Variants in ARSB observed in about 807,000 individuals in gnomAD.
The protein encoded by ARSB is N-acetylgalactosamine-4-sulfatase.
Under a neutral mutation model 50.9 loss-of-function variants are expected in ARSB, and 41 were observed. That is an observed-to-expected ratio of 0.81 (90% CI 0.63 to 1.04). The LOEUF (loss-of-function observed/expected upper bound fraction) is 1.04, where lower values mean the gene tolerates loss of function less well. Ranked by LOEUF, ARSB falls within the 50% of genes least tolerant of loss-of-function variation. The pLI is 0.00. For missense variants in ARSB, 672 were observed against 693.3 expected, an observed-to-expected ratio of 0.97 and a Z score of 0.35; for synonymous variants, 269 against 284.8, an observed-to-expected ratio of 0.94 and a Z score of 0.56.
intron 1 of ARSB, among the ~76,000 whole-genome samples, chr5:78,979,828 G>C (rs595479): frequency 0.42 from 64,083 of 151,988 alleles, 13,675 homozygotes; most frequent in Admixed American, 0.47. Context: ...AAAATATGCT[G>C]ATACAAAAAC....
chr5:78,858,094 C>T (rs1169569497), intron 5 of ARSB, among the ~76,000 whole-genome samples: 1 of 152,140 alleles, frequency 6.6e-6, no homozygotes, highest in Non-Finnish European at 1.5e-5. Flanking sequence ...ACCCCCAAAT[C>T]CCATCTCTAA....
intron 5 of ARSB, among the ~76,000 whole-genome samples, chr5:78,867,909 T>C (rs1430737213): frequency 1.6e-5 from 2 of 127,880 alleles, no homozygotes; most frequent in African/African-American, 5.9e-5. Context: ...AGTTGAAAAC[T>C]TTGAAAAAAA....
At chr5:78,844,302 C>G (rs1281079138) in intron 5 of ARSB, among the ~76,000 whole-genome samples, 2 of 152,086 alleles carry the variant, frequency 1.3e-5, no homozygotes, top group Non-Finnish European at 2.9e-5. Context: ...TAATGATGAG[C>G]ATCTTTTCAT....
Position 78,980,221 on chromosome 5 carries a change from T to A in ARSB, c.312+4716A>T, listed in dbSNP as rs117872520. ...TTGGATACTTTAAAATGGTAAATTA[T>A]ATAGGATGTGAACTATAACTTAATA... On this transcript the variant is annotated intron_variant, in intron 1 of 7. Transcript: ENST00000264914. Among the ~76,000 whole-genome samples the A allele has an allele frequency of 2.9e-4, 44 of 152,350 alleles. No homozygotes were observed. In the East Asian group the frequency reaches 8.5e-3, roughly 29 times the overall value.
intron 1 of ARSB, among the ~76,000 whole-genome samples, chr5:78,984,700 A>T (rs529139323): frequency 6.6e-6 from 1 of 152,134 alleles, no homozygotes; most frequent in East Asian, 1.9e-4. Context: ...CCACCCGCCC[A>T]ACCCGGCGGC....
At chr5:78,866,490 C>A (rs79493178) in intron 5 of ARSB, among the ~76,000 whole-genome samples, 1 of 152,076 alleles carries the variant, frequency 6.6e-6, no homozygotes, top group Admixed American at 6.5e-5. Flanking sequence ...ACTCAAATAA[C>A]GTCTGATAAG....
chr5:78,791,665 C>T (rs1029021345), intron 6 of ARSB, among the ~76,000 whole-genome samples: 2 of 152,232 alleles, frequency 1.3e-5, no homozygotes, highest in African/African-American at 2.4e-5. Flanking sequence ...CCTCTCATCT[C>T]GCTGTGTGGT....
chr5:78,791,503 C>A (rs532572773), intron 6 of ARSB, among the ~76,000 whole-genome samples: 2 of 152,334 alleles, frequency 1.3e-5, no homozygotes, highest in African/African-American at 4.8e-5. Flanking sequence ...CATGTGCCAG[C>A]TAGTCAGAGA....
In ARSB at chr5:78,886,819, A is replaced by G. The variant is rs117518634; in HGVS notation, c.899-992T>C. 9.8e-5 allele frequency among the ~76,000 whole-genome samples: 15 copies of G among 152,340 alleles called. No individual in the cohort carries two copies. In the East Asian group the frequency reaches 2.9e-3, roughly 29 times the overall value. On this transcript the variant is annotated intron_variant, in intron 4 of 7. Transcript: ENST00000264914. ...ATGAGCCACATGAGGGCAGTATGAC[A>G]GACCACCTGCTGTATAGAATGTTAC...
chr5:78,913,136 T>TC (rs2112323184), intron 4 of ARSB, among the ~76,000 whole-genome samples: 1 of 142,908 alleles, frequency 7.0e-6, no homozygotes, highest in South Asian at 2.3e-4. Flanking sequence ...TTTTTTTTTT[T>TC]CTTTTGTTGA....
At chr5:78,945,699 C>G (rs1751197050) in intron 4 of ARSB, among the ~76,000 whole-genome samples, 1 of 152,314 alleles carries the variant, frequency 6.6e-6, no homozygotes, top group East Asian at 1.9e-4. Flanking sequence ...TCTCTAGCCT[C>G]ACATCTCGCT....
In ARSB at chr5:78,778,563, C is replaced by T. The variant is rs1748835447; in HGVS notation, c.*1834G>A. 1.3e-5 allele frequency: 2 copies of T among 152,360 alleles called. No homozygotes were observed. The highest frequency in any genetic ancestry group is 4.1e-4 in the South Asian group (2 of 4,832). The allele number at this position is 152,360 out of a possible 1,614,324, so 9.4% of individuals were successfully genotyped here. ...AACCTTGCTATAGAGTGTCCTGTGA[C>T]TGCCCAGTGATGTAGATTATGCTCC... On this transcript the variant is annotated 3_prime_UTR_variant, in exon 8 of 8. Transcript: ENST00000264914.
At chr5:78,968,710 C>A (rs1438066890) in intron 2 of ARSB, among the ~76,000 whole-genome samples, 1 of 152,110 alleles carries the variant, frequency 6.6e-6, no homozygotes, top group Admixed American at 6.5e-5. Flanking sequence ...AATCCATATC[C>A]CTTTTTGGTA....
intron 4 of ARSB, among the ~76,000 whole-genome samples, chr5:78,944,819 A>G (rs555163948): frequency 6.0e-4 from 91 of 152,286 alleles, no homozygotes; most frequent in African/African-American, 2.0e-3. Context: ...AGACAGGGAC[A>G]TTTAAGTCTG....
At chr5:78,885,447 G>A (rs1214239828) in intron 5 of ARSB, 137 bp downstream of exon 5, 2 of 1,252,784 alleles carry the variant, frequency 1.6e-6, no homozygotes, top group African/African-American at 1.5e-5. Context: ...GTCTCTAAAG[G>A]CACTTATTTT....
In ARSB at chr5:78,834,607, G is replaced by GTATATATATATA. The variant is rs58773415; in HGVS notation, c.1213+4737_1213+4748dup. 9.2e-4 allele frequency among the ~76,000 whole-genome samples: 79 copies of GTATATATATATA among 85,632 alleles called. 2 individuals carry two copies. Among genetic ancestry groups the GTATATATATATA allele is most frequent in the Non-Finnish European group, 1.3e-3 (56 of 42,906 alleles). The allele number at this position is 85,632 out of a possible 152,430, so 56.2% of individuals were successfully genotyped here. A position where few individuals can be genotyped will look rare whatever the true frequency, so the allele number is the denominator to read the frequency against. On this transcript the variant is annotated intron_variant, in intron 6 of 7. Transcript: ENST00000264914. ...ATACTATTTCATGGTATATATATGT[G>GTATATATATATA]TATATATATATATATATATATATAT...
intron 4 of ARSB, among the ~76,000 whole-genome samples, chr5:78,900,396 C>T (rs569333781): frequency 7.9e-5 from 12 of 152,256 alleles, no homozygotes; most frequent in African/African-American, 2.9e-4. Flanking sequence ...ACTCCTGCTA[C>T]GGAACCCAAG....
chr5:78,920,271 C>T (rs897360927), intron 4 of ARSB, among the ~76,000 whole-genome samples: 2 of 152,100 alleles, frequency 1.3e-5, no homozygotes, highest in African/African-American at 2.4e-5. Context: ...AGGCTGGATG[C>T]GGTGGCTCAC....
Position 78,985,059 on chromosome 5 carries a change from C to G in ARSB, c.190G>C (p.Gly64Arg), listed in dbSNP as rs1484203091. ...DLGWNDVGFH[G>R]SRIRTPHLDA... The stretch of plus-strand genomic sequence containing the variant: ...AGGTGCGGCGTGCGGATGCGGGAGC[C>G]GTGGAAGCCGACGTCGTTCCAGCCT... The change falls in exon 1 of 8, where the codon GGC (glycine) becomes CGC (arginine). Residue 64 changes from glycine (G) to arginine (R), a missense_variant. By Grantham distance (125) the Gly-to-Arg change is moderately radical. Transcript: ENST00000264914. 6.5e-7 allele frequency: 1 copy of G among 1,541,422 alleles called. No individual in the cohort carries two copies. The highest frequency in any genetic ancestry group is 8.7e-7 in the Non-Finnish European group (1 of 1,145,848).
Sources: gnomAD v4.1 joint callset for allele counts (sites outside exome capture counted in the v4.1 genomes callset) on GRCh38, gnomAD v4.1.1 for gene constraint, MANE v1.5 for transcripts, NCBI Gene and HGNC (gene_info 2026-07-23, HGNC 2026-07-21) for gene names.